SLC10A7: variants seen among roughly 807,000 people sequenced by gnomAD.
The protein encoded by SLC10A7 is sodium/bile acid cotransporter 7.
Under a neutral mutation model 43.2 loss-of-function variants are expected in SLC10A7, and 29 were observed. That is an observed-to-expected ratio of 0.67 (90% CI 0.50 to 0.92). The LOEUF (loss-of-function observed/expected upper bound fraction) is 0.92. Among genes scored for constraint, SLC10A7 ranks in the 40% least tolerant of loss-of-function variants. The probability of loss-of-function intolerance (pLI) is 0.00; values close to 1 mark genes in which losing one functional copy is unlikely to be tolerated. For missense variants in SLC10A7, 295 were observed against 403.2 expected (o/e 0.73, Z 2.30); for synonymous variants, 152 against 144.8 (o/e 1.05, Z -0.35).
chr4:146,305,888 T>C (rs980853422), intron 7 of SLC10A7, 38 bp downstream of exon 7: 1 of 1,505,640 alleles, frequency 6.6e-7, no homozygotes. Flanking sequence ...CACAATTTGA[T>C]CCATAAAGAA....
At chr4:146,350,767 G>A (rs1735025074) in intron 5 of SLC10A7, among the ~76,000 whole-genome samples, 1 of 94,964 alleles carries the variant, frequency 1.1e-5, no homozygotes, top group Non-Finnish European at 2.0e-5. Flanking sequence ...CCCCAGCAGG[G>A]GCACACTGAC....
rs552797692 is a variant in SLC10A7, at chr4:146,376,890, C to T, written c.436-50894G>A. On this transcript the variant is annotated intron_variant, in intron 5 of 11. Transcript: ENST00000335472. ...CACAATCTGTATTTGTCTCAATTGG[C>T]TAGCAACTTAGAAATGTTTAAGAGG... is the stretch of plus-strand genomic sequence containing the variant. Among the ~76,000 whole-genome samples the T allele has an allele frequency of 9.2e-5, 14 of 152,164 alleles. No individual in the cohort carries two copies. The South Asian group carries it at 2.7e-3, about 29-fold the overall frequency.
At chr4:146,318,102 C>T (rs1208219097) in intron 6 of SLC10A7, among the ~76,000 whole-genome samples, 6 of 151,962 alleles carry the variant, frequency 3.9e-5, no homozygotes, top group East Asian at 1.9e-4. Context: ...TGGGTTAATC[C>T]GATTGACACA....
At chr4:146,413,799 C>T (rs1728368585) in intron 5 of SLC10A7, among the ~76,000 whole-genome samples, 1 of 152,018 alleles carries the variant, frequency 6.6e-6, no homozygotes, top group Non-Finnish European at 1.5e-5. Context: ...CTGATGAGTT[C>T]CTAGAGGGAA....
At chr4:146,354,191 C>G (rs1735375409) in intron 5 of SLC10A7, among the ~76,000 whole-genome samples, 1 of 148,310 alleles carries the variant, frequency 6.7e-6, no homozygotes, top group African/African-American at 2.5e-5. Context: ...TCAGCAAAGT[C>G]TCAGGATACA....
In SLC10A7 at chr4:146,458,060, T is replaced by C. The variant is rs142869185; in HGVS notation, c.397-15239A>G. ...CACAGAAGAATAATCTTCATGCACA[T>C]AGACATAAAACTCCTTATAAAATTT... On this transcript the variant is annotated intron_variant, in intron 4 of 11. Coordinates refer to ENST00000335472, the MANE Select transcript of SLC10A7 (RefSeq NM_001029998.6). Among the ~76,000 whole-genome samples, 494 of 151,892 alleles carry C rather than the reference T, an allele frequency of 3.3e-3. 1 individual carries two copies. The highest frequency in any genetic ancestry group is 6.6e-3 in the Admixed American group (100 of 15,208).
At chr4:146,392,773 T>A (rs1007279835) in intron 5 of SLC10A7, among the ~76,000 whole-genome samples, 2 of 152,118 alleles carry the variant, frequency 1.3e-5, no homozygotes, top group Non-Finnish European at 2.9e-5. Flanking sequence ...TTGAATAGCA[T>A]CATTCTCTTG....
chr4:146,333,979 G>C (rs748209139), intron 5 of SLC10A7, among the ~76,000 whole-genome samples: 1 of 152,140 alleles, frequency 6.6e-6, no homozygotes, highest in Admixed American at 6.5e-5. Context: ...GATTCAAAAC[G>C]TATTTGAAAA....
At chr4:146,516,536 A>G (rs1357537977) in intron 2 of SLC10A7, among the ~76,000 whole-genome samples, 1 of 150,974 alleles carries the variant, frequency 6.6e-6, no homozygotes, top group East Asian at 2.0e-4. Flanking sequence ...AAAAACATCA[A>G]TATTTCTCTT....
At chr4:146,375,176 G>A (rs919646701) in intron 5 of SLC10A7, among the ~76,000 whole-genome samples, 4 of 152,112 alleles carry the variant, frequency 2.6e-5, no homozygotes, top group African/African-American at 7.2e-5. Context: ...ACTGCACTCC[G>A]GCCTGGGTGA....
chr4:146,427,120 A>G (rs1308999890), intron 5 of SLC10A7, among the ~76,000 whole-genome samples: 3 of 152,122 alleles, frequency 2.0e-5, no homozygotes, highest in Admixed American at 2.0e-4. Context: ...TTTCAGAACT[A>G]AGGATTGTAG....
At chr4:146,495,808 C>CACACACAG (rs1490434299) in intron 4 of SLC10A7, among the ~76,000 whole-genome samples, 1 of 150,364 alleles carries the variant, frequency 6.7e-6, no homozygotes, top group Non-Finnish European at 1.5e-5. Flanking sequence ...CACACACACA[C>CACACACAG]AGAGGCACAT....
At chr4:146,324,421 A>G (rs1053840866) in intron 6 of SLC10A7, among the ~76,000 whole-genome samples, 1 of 152,178 alleles carries the variant, frequency 6.6e-6, no homozygotes, top group Admixed American at 6.5e-5. Flanking sequence ...CCAGCCTCTG[A>G]GATACTCCAA....
chr4:146,372,501 C>G (rs2244850), intron 5 of SLC10A7, among the ~76,000 whole-genome samples: 1,571 of 151,698 alleles, frequency 0.01, 23 homozygotes, highest in African/African-American at 0.035. Context: ...TGATGAACAG[C>G]CCAATTTAAA....
chr4:146,305,615 A>G (rs1338305437), intron 7 of SLC10A7, among the ~76,000 whole-genome samples: 1 of 151,904 alleles, frequency 6.6e-6, no homozygotes, highest in Non-Finnish European at 1.5e-5. Flanking sequence ...GACTTGCTAG[A>G]TGTTTTCAAG....
intron 7 of SLC10A7, among the ~76,000 whole-genome samples, chr4:146,298,688 A>G (rs1471939287): frequency 2.0e-5 from 3 of 152,238 alleles, no homozygotes; most frequent in African/African-American, 7.2e-5. Context: ...ACTTAGATGT[A>G]TTGAAAAGGT....
chr4:146,394,509 C>T (rs376512946), intron 5 of SLC10A7, among the ~76,000 whole-genome samples: 4 of 151,976 alleles, frequency 2.6e-5, no homozygotes, highest in African/African-American at 9.7e-5. Context: ...ACTACAAGAG[C>T]ACACCATTAC....
intron 5 of SLC10A7, among the ~76,000 whole-genome samples, chr4:146,331,391 GT>G (rs1385985289): frequency 6.6e-6 from 1 of 152,158 alleles, no homozygotes; most frequent in Non-Finnish European, 1.5e-5. Flanking sequence ...ACAGAGTTTT[GT>G]TCAGTAGTGA....
At chr4:146,402,457 T>G (rs1739286945) in intron 5 of SLC10A7, among the ~76,000 whole-genome samples, 1 of 152,082 alleles carries the variant, frequency 6.6e-6, no homozygotes, top group Admixed American at 6.6e-5. Context: ...TCCTGAGACT[T>G]CATCCCAGTC....
Sources: allele counts gnomAD v4.1 joint callset (sites outside exome capture counted in the v4.1 genomes callset), GRCh38; gene constraint gnomAD v4.1.1; transcripts MANE v1.5; gene names NCBI Gene and HGNC (gene_info 2026-07-23, HGNC 2026-07-21).